The following MCMDC2 variants were observed in gnomAD, a reference collection of about 807,000 sequenced individuals.
MCMDC2 encodes minichromosome maintenance domain containing 2, also known as minichromosome maintenance domain-containing protein 2.
A neutral mutation model predicts 75.8 loss-of-function variants in MCMDC2; 54 were observed. That is an observed-to-expected ratio of 0.71 (90% confidence interval 0.57 to 0.89). The LOEUF (loss-of-function observed/expected upper bound fraction) is 0.89, where lower values mean the gene tolerates loss of function less well. Ranked by LOEUF, MCMDC2 falls within the 40% of genes least tolerant of loss-of-function variation. The pLI, the probability that MCMDC2 is intolerant of heterozygous loss-of-function variation, is 0.00. For missense variants in MCMDC2, 656 were observed against 780.4 expected, an observed-to-expected ratio of 0.84 and a Z score of 1.90; for synonymous variants, 249 against 274.6, an observed-to-expected ratio of 0.91 and a Z score of 0.92.
intron 4 of MCMDC2, among the ~76,000 whole-genome samples, chr8:66,874,799 G>A (rs554879778): frequency 9.4e-4 from 142 of 150,348 alleles, no homozygotes; most frequent in Middle Eastern, 6.8e-3. Context: ...TCGCTCTGTC[G>A]CCAGGCTGGA....
intron 8 of MCMDC2, 112 bp from the exon 9 acceptor site, chr8:66,883,645 G>T: frequency 1.6e-6 from 1 of 636,198 alleles, no homozygotes; most frequent in African/African-American, 1.8e-5. Context: ...AAAAGAATAT[G>T]GTATTATTGG....
At chr8:66,913,707 T>C (rs956103711) in intron 14 of MCMDC2, among the ~76,000 whole-genome samples, 9 of 152,078 alleles carry the variant, frequency 5.9e-5, no homozygotes, top group Non-Finnish European at 2.9e-5. Flanking sequence ...GGTTCACGCC[T>C]ATAATCCCAA....
At chr8:66,908,985 T>C (rs771795260) in intron 14 of MCMDC2, among the ~76,000 whole-genome samples, 13 of 152,170 alleles carry the variant, frequency 8.5e-5, no homozygotes, top group African/African-American at 1.4e-4. Flanking sequence ...TCATCTTGAA[T>C]TGAAATCCCC....
chr8:66,896,191 C>T lies in MCMDC2; in HGVS notation c.1301C>T (p.Thr434Ile), dbSNP rs747452103. 2 of 1,609,078 alleles carry T rather than the reference C, an allele frequency of 1.2e-6. No individual in the cohort carries two copies. The highest frequency in any genetic ancestry group is 2.2e-5 in the South Asian group (2 of 89,404). Residue 434 changes from threonine to isoleucine, a missense_variant, in exon 11 of 15, where the codon ACA becomes ATA. By Grantham distance (89) the Thr-to-Ile change is moderately conservative (BLOSUM62 -1). Transcript: ENST00000422365. ...LQTVLESRSITVYIPGKKFGE... is the reference protein window; with the variant it reads ...LQTVLESRSIIVYIPGKKFGE... ...TTAGTTCTGGAGAGCAGAAGCATCA[C>T]AGTGTACATCCCAGGAAAGAAGTTT...
At chr8:66,891,137 T>G in intron 10 of MCMDC2, 67 bp downstream of exon 10, 1 of 1,278,852 alleles carries the variant, frequency 7.8e-7, no homozygotes, top group Non-Finnish European at 1.1e-6. Context: ...TTGAGATACT[T>G]AACAGTTAAG....
At chr8:66,907,829 G>C (rs144264893) in intron 14 of MCMDC2, among the ~76,000 whole-genome samples, 1 of 152,154 alleles carries the variant, frequency 6.6e-6, no homozygotes, top group Non-Finnish European at 1.5e-5. Flanking sequence ...GACTAGTGAT[G>C]ATGAGCTTTT....
chr8:66,872,163 G>A (rs1811052823), intron 1 of MCMDC2, among the ~76,000 whole-genome samples: 1 of 152,156 alleles, frequency 6.6e-6, no homozygotes, highest in South Asian at 2.1e-4. Context: ...TTATGTTGTA[G>A]CAAAAAGGAC....
chr8:66,905,105 A>G, intron 13 of MCMDC2, 121 bp from the exon 14 acceptor site: 1 of 769,022 alleles, frequency 1.3e-6, no homozygotes, highest in Non-Finnish European at 1.8e-6. Context: ...AAATTTTTTT[A>G]AAGTAAGAAT....
chr8:66,893,647 C>G (rs1812214082), intron 10 of MCMDC2, among the ~76,000 whole-genome samples: 1 of 152,152 alleles, frequency 6.6e-6, no homozygotes, highest in Non-Finnish European at 1.5e-5. Flanking sequence ...CAGTTACCTC[C>G]CACCAGGCCC....
intron 13 of MCMDC2, among the ~76,000 whole-genome samples, chr8:66,903,505 C>G (rs1365523044): frequency 6.6e-6 from 1 of 152,182 alleles, no homozygotes; most frequent in Admixed American, 6.5e-5. Context: ...CAGTAGGGGA[C>G]TGTTTAAACT....
At chr8:66,891,596 G>T (rs1812111265) in intron 10 of MCMDC2, among the ~76,000 whole-genome samples, 1 of 152,102 alleles carries the variant, frequency 6.6e-6, no homozygotes, top group African/African-American at 2.4e-5. Flanking sequence ...GATCCTTCGG[G>T]TGTTGCTTCT....
At chr8:66,886,345 A>C (rs1811838825) in intron 9 of MCMDC2, among the ~76,000 whole-genome samples, 1 of 151,950 alleles carries the variant, frequency 6.6e-6, no homozygotes, top group African/African-American at 2.4e-5. Context: ...TTGTATTTTT[A>C]GTAGAAATAG....
intron 4 of MCMDC2, 81 bp downstream of exon 4, chr8:66,874,667 CT>C (rs1585845962): frequency 1.8e-5 from 22 of 1,227,324 alleles, no homozygotes; most frequent in Non-Finnish European, 2.5e-5. Context: ...TATTCATAGA[CT>C]TTTTATTTAA....
downstream of MCMDC2, among the ~76,000 whole-genome samples, chr8:66,925,128 G>C (rs893489172): frequency 3.3e-5 from 5 of 152,210 alleles, no homozygotes; most frequent in African/African-American, 1.2e-4. Context: ...CCTCCCGACG[G>C]TCCCTTGCAG....
At chr8:66,874,647 A>C in intron 4 of MCMDC2, 61 bp downstream of exon 4, 1 of 1,385,418 alleles carries the variant, frequency 7.2e-7, no homozygotes, top group South Asian at 1.3e-5. Context: ...CTTGTAAAAA[A>C]ATATTTTTAT....
chr8:66,924,633 CAAA>C (rs201097719), downstream of MCMDC2, among the ~76,000 whole-genome samples: 11 of 81,088 alleles, frequency 1.4e-4, no homozygotes, highest in Admixed American at 2.8e-4. Context: ...GACTCTGGCT[CAAA>C]AAAAAAAAAA....
At chr8:66,893,189 T>C (rs181934636) in intron 10 of MCMDC2, among the ~76,000 whole-genome samples, 3 of 152,300 alleles carry the variant, frequency 2.0e-5, no homozygotes, top group Admixed American at 6.5e-5. Context: ...TCAGGGCACA[T>C]AGCATATTGC....
chr8:66,895,282 T>C (rs530069969), intron 10 of MCMDC2, among the ~76,000 whole-genome samples: 2 of 152,304 alleles, frequency 1.3e-5, no homozygotes, highest in Admixed American at 1.3e-4. Flanking sequence ...AGACAGACCC[T>C]TTGGATATAG....
intron 9 of MCMDC2, among the ~76,000 whole-genome samples, chr8:66,885,477 T>C (rs981283807): frequency 9.9e-5 from 15 of 152,188 alleles, no homozygotes; most frequent in African/African-American, 3.1e-4. Context: ...TTCTTGATCA[T>C]TGTTGTTTTT....
Sources: gnomAD v4.1 joint callset for allele counts (sites outside exome capture counted in the v4.1 genomes callset) on GRCh38, gnomAD v4.1.1 for gene constraint, MANE v1.5 for transcripts, NCBI Gene and HGNC (gene_info 2026-07-23, HGNC 2026-07-21) for gene names.